The following HMBOX1 variants were observed in gnomAD, a reference collection of about 807,000 sequenced individuals.
HMBOX1 encodes homeobox-containing protein 1.
Under a neutral mutation model 54.5 loss-of-function variants are expected in HMBOX1, and 14 were observed. That is an observed-to-expected ratio of 0.26 (90% CI 0.17 to 0.40). The LOEUF (loss-of-function observed/expected upper bound fraction) is 0.40. Ranked by LOEUF, HMBOX1 falls within the 10% of genes least tolerant of loss-of-function variation. The pLI, the probability that HMBOX1 is intolerant of heterozygous loss-of-function variation, is 1.00. For synonymous variants in HMBOX1, 160 were observed against 181.0 expected (o/e 0.88, Z 0.93); for missense variants, 332 against 514.4 (o/e 0.65, Z 3.43).
At position 29,052,369 on chromosome 8, in the gene HMBOX1, A is replaced by G. The variant is rs901488579; in HGVS notation, c.*1214A>G. 2 of 152,202 alleles carry G rather than the reference A, an allele frequency of 1.3e-5. No individual in the cohort carries two copies. Among genetic ancestry groups the G allele is most frequent in the African/African-American group, 4.8e-5 (2 of 41,448 alleles). 9.4% of individuals were successfully genotyped at this position (152,202 alleles called of 1,614,324 possible). A position where few individuals can be genotyped will look rare whatever the true frequency, so the allele number is the denominator to read the frequency against. On this transcript the variant is annotated 3_prime_UTR_variant, in exon 10 of 10. Coordinates refer to ENST00000287701, the MANE Select transcript of HMBOX1 (RefSeq NM_001135726.3). ...TCCTTGGAGAGGTGTGAAAAGCTGT[A>G]TTGCTACAGGCAATTTATTTAATAA...
rs539687219 is a variant in HMBOX1 at position 28,938,309 on chromosome 8, G to A, written c.-57-25502G>A. Among the ~76,000 whole-genome samples, 4 of 152,296 alleles carry A rather than the reference G, an allele frequency of 2.6e-5. No individual in the cohort carries two copies. The South Asian group carries it at 8.3e-4, about 32-fold the overall frequency. The stretch of plus-strand genomic sequence containing the variant: ...TGAGTATAAAATTAAAGATTTGTAA[G>A]CTGCAAGACCTCTGCAATTTTCAGG... On this transcript the variant is annotated intron_variant, in intron 1 of 9. Coordinates refer to ENST00000287701, the MANE Select transcript of HMBOX1 (RefSeq NM_001135726.3).
intron 4 of HMBOX1, among the ~76,000 whole-genome samples, chr8:28,983,272 T>C (rs1829688873): frequency 6.6e-6 from 1 of 152,220 alleles, no homozygotes. Context: ...TTTCTTTTAA[T>C]CTGACTCCAG....
At chr8:28,968,435 G>A (rs1826815109) in intron 2 of HMBOX1, among the ~76,000 whole-genome samples, 1 of 152,186 alleles carries the variant, frequency 6.6e-6, no homozygotes, top group Non-Finnish European at 1.5e-5. Flanking sequence ...ATAAGATCTA[G>A]GCTTAAATCT....
intron 1 of HMBOX1, among the ~76,000 whole-genome samples, chr8:28,911,210 C>T (rs1585723537): frequency 6.6e-6 from 1 of 152,134 alleles, no homozygotes; most frequent in African/African-American, 2.4e-5. Flanking sequence ...CTTAGAATTG[C>T]TAGGAAGACT....
intron 4 of HMBOX1, among the ~76,000 whole-genome samples, chr8:29,002,986 C>G (rs537219590): frequency 6.6e-6 from 1 of 151,954 alleles, no homozygotes; most frequent in Non-Finnish European, 1.5e-5. Flanking sequence ...AAAAGAAAGT[C>G]AGACTTTCAA....
chr8:29,020,321 A>G (rs1328235893), intron 6 of HMBOX1, among the ~76,000 whole-genome samples: 1 of 152,184 alleles, frequency 6.6e-6, no homozygotes, highest in African/African-American at 2.4e-5. Context: ...AAATACCAGT[A>G]TATATTTATC....
intron 1 of HMBOX1, among the ~76,000 whole-genome samples, chr8:28,946,537 T>A (rs1416771660): frequency 6.6e-6 from 1 of 151,768 alleles, no homozygotes; most frequent in Admixed American, 6.6e-5. Context: ...GCCATTGCAC[T>A]CCAGCCTGGG....
intron 3 of HMBOX1, among the ~76,000 whole-genome samples, chr8:28,978,456 C>T (rs764932829): frequency 6.6e-6 from 1 of 152,100 alleles, no homozygotes; most frequent in Non-Finnish European, 1.5e-5. Context: ...AAATTTTAGA[C>T]TTTGTGGCCA....
chr8:29,041,624 G>T (rs1359931191), intron 6 of HMBOX1, among the ~76,000 whole-genome samples: 1 of 152,102 alleles, frequency 6.6e-6, no homozygotes, highest in Non-Finnish European at 1.5e-5. Context: ...AAATACCTTT[G>T]ATTGGCCAAG....
intron 3 of HMBOX1, among the ~76,000 whole-genome samples, chr8:28,975,969 C>CG (rs1381290828): frequency 6.6e-6 from 1 of 151,924 alleles, no homozygotes; most frequent in Non-Finnish European, 1.5e-5. Context: ...GAATGAGGGT[C>CG]GGGGGTGATG....
chr8:28,939,119 A>G (rs1173392199), intron 1 of HMBOX1, among the ~76,000 whole-genome samples: 2 of 152,040 alleles, frequency 1.3e-5, no homozygotes, highest in Admixed American at 1.3e-4. Flanking sequence ...GTGAAATCCC[A>G]TCTCTACTAA....
intron 2 of HMBOX1, among the ~76,000 whole-genome samples, chr8:28,965,106 T>C (rs1332092027): frequency 1.3e-5 from 2 of 152,242 alleles, no homozygotes; most frequent in African/African-American, 4.8e-5. Context: ...CTGAAATGAA[T>C]GTAAGCATCA....
At chr8:28,991,257 C>G (rs559462870) in intron 4 of HMBOX1, among the ~76,000 whole-genome samples, 64 of 152,326 alleles carry the variant, frequency 4.2e-4, no homozygotes, top group African/African-American at 1.5e-3. Context: ...CAGCACTTTT[C>G]TACATGATTT....
At chr8:28,923,092 C>T (rs1817820894) in intron 1 of HMBOX1, among the ~76,000 whole-genome samples, 1 of 152,148 alleles carries the variant, frequency 6.6e-6, no homozygotes, top group Non-Finnish European at 1.5e-5. Flanking sequence ...TACAGTGTTG[C>T]ACAACTGTCA....
intron 1 of HMBOX1, among the ~76,000 whole-genome samples, chr8:28,922,778 A>G (rs949792902): frequency 6.6e-6 from 1 of 152,166 alleles, no homozygotes; most frequent in African/African-American, 2.4e-5. Flanking sequence ...AATATATTCT[A>G]TGAGTTACTA....
chr8:29,012,081 G>A (rs1489749278), intron 5 of HMBOX1, among the ~76,000 whole-genome samples: 1 of 152,158 alleles, frequency 6.6e-6, no homozygotes, highest in Non-Finnish European at 1.5e-5. Context: ...TTGCCATTTG[G>A]TAGTTGTTGT....
At chr8:28,972,634 G>T (rs998179332) in intron 3 of HMBOX1, among the ~76,000 whole-genome samples, 1 of 152,110 alleles carries the variant, frequency 6.6e-6, no homozygotes, top group African/African-American at 2.4e-5. Context: ...TGTTGTTGCT[G>T]TTCATCAGTT....
chr8:28,974,248 A>G (rs374766160), intron 3 of HMBOX1, among the ~76,000 whole-genome samples: 23 of 152,350 alleles, frequency 1.5e-4, no homozygotes, highest in East Asian at 1.3e-3. Context: ...GTAAATTACG[A>G]TATGAATTTA....
At chr8:28,938,438 G>C (rs1311672985) in intron 1 of HMBOX1, among the ~76,000 whole-genome samples, 1 of 151,710 alleles carries the variant, frequency 6.6e-6, no homozygotes, top group Non-Finnish European at 1.5e-5. Flanking sequence ...TCTTTTTTTT[G>C]TTATTTTTAG....
Sources: gnomAD v4.1 joint callset for allele counts (sites outside exome capture counted in the v4.1 genomes callset) on GRCh38, gnomAD v4.1.1 for gene constraint, MANE v1.5 for transcripts, NCBI Gene and HGNC (gene_info 2026-07-23, HGNC 2026-07-21) for gene names.